ADGRB3: variants seen among roughly 807,000 people sequenced by gnomAD.
ADGRB3 encodes brain-specific angiogenesis inhibitor 3.
Under a neutral mutation model 193.4 loss-of-function variants are expected in ADGRB3, and 37 were observed. The observed-to-expected ratio is 0.19, with a 90% confidence interval of 0.15 to 0.25. The LOEUF is 0.25. Ranked by LOEUF, ADGRB3 falls within the 10% of genes least tolerant of loss-of-function variation. The pLI is 1.00. For missense variants in ADGRB3, 1,637 were observed against 1,852.9 expected (o/e 0.88, Z 2.14); for synonymous variants, 690 against 644.2 (o/e 1.07, Z -1.08).
At position 68,635,970 on chromosome 6, in the gene ADGRB3, C is replaced by G. The variant is rs1248818905; in HGVS notation, c.-218C>G. Reference sequence around the variant, plus strand: ...GCGTGCCTGTGCTGGTGTCTTAGAGCAAGAGCCTCCCTGAGCTTTCGGAGT... The same window carrying G: ...GCGTGCCTGTGCTGGTGTCTTAGAGGAAGAGCCTCCCTGAGCTTTCGGAGT... On this transcript the variant is annotated 5_prime_UTR_variant, in exon 1 of 32. Transcript: ENST00000370598. The G allele has an allele frequency of 1.3e-5, 2 of 152,688 alleles. No homozygotes were observed. Among genetic ancestry groups the G allele is most frequent in the African/African-American group, 4.8e-5 (2 of 41,360 alleles). 9.5% of individuals were successfully genotyped at this position (152,688 alleles called of 1,614,324 possible).
At chr6:68,769,406 G>T (rs972560874) in intron 3 of ADGRB3, among the ~76,000 whole-genome samples, 6 of 152,160 alleles carry the variant, frequency 3.9e-5, no homozygotes, top group Non-Finnish European at 8.8e-5. Flanking sequence ...GATGAAGCTG[G>T]AAACCATCAT....
At position 69,116,492 on chromosome 6, in the gene ADGRB3, A is replaced by G. The variant is rs572619506; in HGVS notation, c.2480+40454A>G. Reference sequence around the variant, plus strand: ...TTGGACATGAAAGTTATTTTTCAGGACACAGCTGGGATTTAAAGTTGTGTG... The same window carrying G: ...TTGGACATGAAAGTTATTTTTCAGGGCACAGCTGGGATTTAAAGTTGTGTG... On this transcript the variant is annotated intron_variant, in intron 17 of 31. Coordinates refer to ENST00000370598, the MANE Select transcript of ADGRB3 (RefSeq NM_001704.3). Among the ~76,000 whole-genome samples the G allele has an allele frequency of 2.2e-4, 33 of 152,330 alleles. No homozygotes were observed. In the South Asian group the frequency reaches 5.6e-3, roughly 26 times the overall value.
At chr6:68,854,436 A>T (rs1175592148) in intron 3 of ADGRB3, among the ~76,000 whole-genome samples, 1 of 152,216 alleles carries the variant, frequency 6.6e-6, no homozygotes, top group Non-Finnish European at 1.5e-5. Flanking sequence ...CTTGTTAATT[A>T]GCTAGATTTA....
At chr6:69,364,442 C>T (rs1769525771) in intron 29 of ADGRB3, among the ~76,000 whole-genome samples, 1 of 152,018 alleles carries the variant, frequency 6.6e-6, no homozygotes, top group Non-Finnish European at 1.5e-5. Context: ...AGCTTCCAGC[C>T]TTCATGGGAG....
intron 3 of ADGRB3, among the ~76,000 whole-genome samples, chr6:68,712,632 G>A (rs1278803115): frequency 6.6e-6 from 1 of 151,910 alleles, no homozygotes; most frequent in African/African-American, 2.4e-5. Context: ...ATAGGAGAGA[G>A]ACAAAGAAAA....
At chr6:68,795,574 T>C (rs935632984) in intron 3 of ADGRB3, among the ~76,000 whole-genome samples, 2 of 152,092 alleles carry the variant, frequency 1.3e-5, no homozygotes. Flanking sequence ...CAAATCAATG[T>C]TTTTCCTCAA....
intron 17 of ADGRB3, among the ~76,000 whole-genome samples, chr6:69,149,392 T>C (rs1414130839): frequency 2.0e-5 from 3 of 151,972 alleles, no homozygotes; most frequent in African/African-American, 7.2e-5. Flanking sequence ...TGATTCTTTT[T>C]AATTACTTCA....
intron 13 of ADGRB3, among the ~76,000 whole-genome samples, chr6:69,040,579 A>G (rs1025561254): frequency 2.0e-5 from 3 of 148,240 alleles, no homozygotes; most frequent in Non-Finnish European, 3.0e-5. Context: ...GGAGTCCTCA[A>G]TGGAGAGCAC....
At chr6:68,769,466 C>A (rs1766573886) in intron 3 of ADGRB3, among the ~76,000 whole-genome samples, 1 of 152,136 alleles carries the variant, frequency 6.6e-6, no homozygotes, top group Admixed American at 6.5e-5. Flanking sequence ...CTTGTTCTCA[C>A]TCATAAGTCG....
At chr6:69,080,029 C>G (rs1294368983) in intron 17 of ADGRB3, among the ~76,000 whole-genome samples, 1 of 151,998 alleles carries the variant, frequency 6.6e-6, no homozygotes, top group East Asian at 1.9e-4. Context: ...TGTTTTCTCT[C>G]AAAGTTAAGT....
At chr6:69,211,725 A>G (rs1765672579) in intron 17 of ADGRB3, among the ~76,000 whole-genome samples, 1 of 152,178 alleles carries the variant, frequency 6.6e-6, no homozygotes, top group African/African-American at 2.4e-5. Context: ...TATTCCCAGG[A>G]CCTAAAACTT....
At chr6:69,016,506 GT>G (rs1216145842) in intron 12 of ADGRB3, among the ~76,000 whole-genome samples, 1 of 152,014 alleles carries the variant, frequency 6.6e-6, no homozygotes, top group Admixed American at 6.6e-5. Flanking sequence ...GTAATTGGCA[GT>G]GACCATCTTG....
At chr6:69,227,488 G>T (rs565092123) in intron 17 of ADGRB3, among the ~76,000 whole-genome samples, 1 of 152,226 alleles carries the variant, frequency 6.6e-6, no homozygotes, top group East Asian at 1.9e-4. Flanking sequence ...GGTAAATGGC[G>T]AGAAACACAA....
intron 17 of ADGRB3, among the ~76,000 whole-genome samples, chr6:69,125,582 T>A (rs1773830017): frequency 6.6e-6 from 1 of 152,122 alleles, no homozygotes; most frequent in African/African-American, 2.4e-5. Flanking sequence ...AGACGCTGAA[T>A]CTGCTGTCAC....
chr6:69,066,909 A>C (rs972709823), intron 16 of ADGRB3, among the ~76,000 whole-genome samples: 1 of 152,138 alleles, frequency 6.6e-6, no homozygotes. Flanking sequence ...GTAGACAAAC[A>C]CATATGCTAT....
chr6:69,385,168 T>TACA (rs1770041026), intron 31 of ADGRB3, among the ~76,000 whole-genome samples: 1 of 152,024 alleles, frequency 6.6e-6, no homozygotes, highest in African/African-American at 2.4e-5. Flanking sequence ...TTACTCTGTG[T>TACA]GTGTTTCACA....
intron 15 of ADGRB3, among the ~76,000 whole-genome samples, chr6:69,052,429 C>A (rs184626901): frequency 6.6e-6 from 1 of 152,076 alleles, no homozygotes; most frequent in East Asian, 1.9e-4. Flanking sequence ...AAATATATTC[C>A]TTGTTGAGGA....
chr6:69,258,613 G>T (rs1766834117), intron 20 of ADGRB3, among the ~76,000 whole-genome samples: 1 of 152,190 alleles, frequency 6.6e-6, no homozygotes, highest in Non-Finnish European at 1.5e-5. Flanking sequence ...CTTCAAAGTA[G>T]GAATTATTCA....
chr6:69,281,250 G>T (rs940916281), intron 20 of ADGRB3, among the ~76,000 whole-genome samples: 2 of 152,140 alleles, frequency 1.3e-5, no homozygotes, highest in African/African-American at 4.8e-5. Context: ...CACACAGTGG[G>T]TACAACAGGG....
Sources: gnomAD v4.1 joint callset for allele counts (sites outside exome capture counted in the v4.1 genomes callset) on GRCh38, gnomAD v4.1.1 for gene constraint, MANE v1.5 for transcripts, NCBI Gene and HGNC (gene_info 2026-07-23, HGNC 2026-07-21) for gene names.